FHIT: variants seen among roughly 807,000 people sequenced by gnomAD.
FHIT encodes bis(5'-adenosyl)-triphosphatase.
In FHIT, 19 loss-of-function variants were observed where a neutral mutation model predicts 17.9. The observed-to-expected ratio is 1.06, with a 90% CI of 0.74 to 1.56. The LOEUF (loss-of-function observed/expected upper bound fraction) is 1.56, where lower values mean the gene tolerates loss of function less well. FHIT is among the 40% of genes most tolerant of loss of function. FHIT has a pLI of 0.00. For missense variants in FHIT, 248 were observed against 189.2 expected (o/e 1.31, Z -1.82); for synonymous variants, 81 against 69.7 (o/e 1.16, Z -0.81).
At chr3:60,194,161 G>T (rs1702520583) in intron 5 of FHIT, among the ~76,000 whole-genome samples, 2 of 152,116 alleles carry the variant, frequency 1.3e-5, no homozygotes, top group African/African-American at 2.4e-5. Context: ...AAATCTAGAG[G>T]CAACACATTG....
At chr3:60,501,602 T>G (rs1440333100) in intron 5 of FHIT, among the ~76,000 whole-genome samples, 1 of 152,198 alleles carries the variant, frequency 6.6e-6, no homozygotes, top group Non-Finnish European at 1.5e-5. Context: ...TACGCTCAAC[T>G]TTTGAATTCA....
intron 4 of FHIT, among the ~76,000 whole-genome samples, chr3:60,664,892 A>G (rs188268105): frequency 6.5e-4 from 99 of 151,860 alleles, no homozygotes; most frequent in African/African-American, 2.0e-3. Context: ...TATCAATTGT[A>G]TTAATTTTTT....
chr3:60,422,052 A>G (rs1440293346), intron 5 of FHIT, among the ~76,000 whole-genome samples: 1 of 152,162 alleles, frequency 6.6e-6, no homozygotes, highest in Non-Finnish European at 1.5e-5. Context: ...ATATTCTGAC[A>G]TCTTAAATGC....
At chr3:60,769,428 T>C (rs1699967005) in intron 4 of FHIT, among the ~76,000 whole-genome samples, 2 of 152,208 alleles carry the variant, frequency 1.3e-5, no homozygotes, top group African/African-American at 2.4e-5. Flanking sequence ...TCTGCTGTTG[T>C]AGAGGTCTTA....
intron 1 of FHIT, among the ~76,000 whole-genome samples, chr3:61,232,435 ACT>A (rs2040129685): frequency 6.6e-6 from 1 of 152,096 alleles, no homozygotes; most frequent in Non-Finnish European, 1.5e-5. Flanking sequence ...TGGACACAGC[ACT>A]CTGTGAGATG....
intron 4 of FHIT, among the ~76,000 whole-genome samples, chr3:60,687,678 C>T (rs1010605279): frequency 4.6e-5 from 7 of 151,952 alleles, no homozygotes; most frequent in Non-Finnish European, 8.8e-5. Flanking sequence ...TTTATTAAAT[C>T]ATCTTTGTTA....
At chr3:59,782,753 G>C (rs1292969045) in intron 8 of FHIT, among the ~76,000 whole-genome samples, 1 of 152,152 alleles carries the variant, frequency 6.6e-6, no homozygotes, top group Non-Finnish European at 1.5e-5. Context: ...CAGACTCCAA[G>C]CTTGCAGGCA....
chr3:60,173,695 C>T (rs1454106257), intron 5 of FHIT, among the ~76,000 whole-genome samples: 10 of 151,204 alleles, frequency 6.6e-5, no homozygotes, highest in African/African-American at 1.5e-4. Flanking sequence ...GAATTCCTCA[C>T]GCTGTCTGCT....
In FHIT at chr3:60,586,564, C is replaced by G. The variant is rs151240036; in HGVS notation, c.-17-49585G>C. 3.3e-5 allele frequency among the ~76,000 whole-genome samples: 5 copies of G among 152,098 alleles called. No individual in the cohort carries two copies. In the East Asian group the frequency reaches 9.7e-4, roughly 30 times the overall value. On this transcript the variant is annotated intron_variant, in intron 4 of 9. Coordinates refer to ENST00000492590, the MANE Select transcript of FHIT (RefSeq NM_002012.4). Reference sequence around the variant, plus strand: ...CAAGTATGTTCACTGCAGCACTATTCACAAAAGCAAAGACATGGAATCAAC... The same window carrying G: ...CAAGTATGTTCACTGCAGCACTATTGACAAAAGCAAAGACATGGAATCAAC...
intron 2 of FHIT, among the ~76,000 whole-genome samples, chr3:61,067,839 A>G (rs2034665821): frequency 1.3e-5 from 2 of 152,230 alleles, no homozygotes; most frequent in Non-Finnish European, 2.9e-5. Context: ...CCTTTACTGA[A>G]CAACCTGTTT....
intron 1 of FHIT, among the ~76,000 whole-genome samples, chr3:61,212,913 T>TA (rs2039533104): frequency 6.6e-6 from 1 of 152,134 alleles, no homozygotes; most frequent in Non-Finnish European, 1.5e-5. Context: ...CTAAGCTTCA[T>TA]AAGTGAAGGA....
At chr3:60,121,518 T>C (rs7650052) in intron 5 of FHIT, among the ~76,000 whole-genome samples, 73,336 of 151,642 alleles carry the variant, frequency 0.48, 18,284 homozygotes, top group African/African-American at 0.56. Flanking sequence ...AGATCCCATC[T>C]CTACCAAACA....
chr3:60,173,913 A>ATTTTTT lies in FHIT; in HGVS notation c.104-159762_104-159761insAAAAAA, dbSNP rs1359545917. On this transcript the variant is annotated intron_variant, in intron 5 of 9. Transcript: ENST00000492590. The stretch of plus-strand genomic sequence containing the variant: ...TATATATATATATATATATATATAT[A>ATTTTTT]TATGTTTTTTTTTTTTTTTGAGATC... 5.7e-4 allele frequency among the ~76,000 whole-genome samples: 39 copies of ATTTTTT among 68,500 alleles called. 3 individuals carry two copies. In the East Asian group the frequency reaches 6.9e-3, roughly 12 times the overall value. The allele number at this position is 68,500 out of a possible 152,430, so 44.9% of individuals were successfully genotyped here. A position where few individuals can be genotyped will look rare whatever the true frequency, so the allele number is the denominator to read the frequency against.
chr3:60,047,812 C>A (rs1195492474), intron 5 of FHIT, among the ~76,000 whole-genome samples: 1 of 152,224 alleles, frequency 6.6e-6, no homozygotes, highest in Non-Finnish European at 1.5e-5. Context: ...AACGAGCAGA[C>A]TAGATTTAAG....
intron 2 of FHIT, among the ~76,000 whole-genome samples, chr3:61,140,619 T>A (rs962275048): frequency 2.6e-5 from 4 of 152,174 alleles, no homozygotes; most frequent in Non-Finnish European, 5.9e-5. Context: ...GGATACACCC[T>A]GAATATGACT....
intron 3 of FHIT, among the ~76,000 whole-genome samples, chr3:60,842,641 A>AT (rs1702772960): frequency 1.1e-4 from 5 of 47,212 alleles, no homozygotes; most frequent in Admixed American, 2.9e-4. Flanking sequence ...ATATATATAT[A>AT]TATATTTTTT....
intron 5 of FHIT, among the ~76,000 whole-genome samples, chr3:60,151,061 T>C (rs2107330731): frequency 6.6e-6 from 1 of 152,342 alleles, no homozygotes; most frequent in Admixed American, 6.5e-5. Flanking sequence ...TTGGATGGAT[T>C]TGCACTGGCA....
At chr3:59,784,898 G>A (rs661807) in intron 8 of FHIT, among the ~76,000 whole-genome samples, 147,742 of 152,278 alleles carry the variant, frequency 0.97, 71,830 homozygotes, top group East Asian at 1. Flanking sequence ...AGACAGGGTA[G>A]TTTATAAAGA....
intron 5 of FHIT, among the ~76,000 whole-genome samples, chr3:60,528,075 G>A (rs2035640177): frequency 6.6e-6 from 1 of 152,208 alleles, no homozygotes; most frequent in African/African-American, 2.4e-5. Flanking sequence ...CTGGGCTAAA[G>A]CAATCCTCCT....
Sources: gnomAD v4.1 joint callset for allele counts (sites outside exome capture counted in the v4.1 genomes callset) on GRCh38, gnomAD v4.1.1 for gene constraint, MANE v1.5 for transcripts, NCBI Gene and HGNC (gene_info 2026-07-23, HGNC 2026-07-21) for gene names.